The following SGPL1 variants were observed in gnomAD, a reference collection of about 807,000 sequenced individuals.
SGPL1 encodes the protein sphingosine-1-phosphate lyase 1.
In SGPL1, 37 loss-of-function variants were observed where a neutral mutation model predicts 68.9. That is an observed-to-expected ratio of 0.54 (90% confidence interval 0.41 to 0.71). The LOEUF (loss-of-function observed/expected upper bound fraction) is 0.71. Among genes scored for constraint, SGPL1 ranks in the 30% least tolerant of loss-of-function variants. The pLI is 0.00. For synonymous variants in SGPL1, 236 were observed against 248.5 expected (o/e 0.95, Z 0.47); for missense variants, 551 against 704.6 (o/e 0.78, Z 2.47).
intron 7 of SGPL1, among the ~76,000 whole-genome samples, chr10:70,866,111 GCA>G (rs1220982428): frequency 6.6e-6 from 1 of 152,166 alleles, no homozygotes; most frequent in Non-Finnish European, 1.5e-5. Context: ...TTAGGCCCAG[GCA>G]CAGTGACTCA....
intron 6 of SGPL1, among the ~76,000 whole-genome samples, chr10:70,858,514 T>C (rs912055958): frequency 6.6e-6 from 1 of 152,214 alleles, no homozygotes; most frequent in Non-Finnish European, 1.5e-5. Flanking sequence ...TCTTTGTGTT[T>C]GATTATTATA....
At chr10:70,834,267 T>C (rs1288638161) in intron 2 of SGPL1, among the ~76,000 whole-genome samples, 1 of 152,172 alleles carries the variant, frequency 6.6e-6, no homozygotes, top group East Asian at 1.9e-4. Context: ...AAGAAGATGA[T>C]TCGTTCCAGG....
In SGPL1 at chr10:70,879,379, ATGTGTGTGTGTGTG is replaced by A. The variant is rs34643236; in HGVS notation, c.*2056_*2069del. 2 of 150,254 alleles carry A rather than the reference ATGTGTGTGTGTGTG, an allele frequency of 1.3e-5. No individual in the cohort carries two copies. Among genetic ancestry groups the A allele is most frequent in the Non-Finnish European group, 3.0e-5 (2 of 67,490 alleles). 9.3% of individuals were successfully genotyped at this position (150,254 alleles called of 1,614,324 possible). On this transcript the variant is annotated 3_prime_UTR_variant, in exon 15 of 15. Transcript: ENST00000373202. ...GCCATTCAGGGCTGGTGTGGCATTT[ATGTGTGTGTGTGTG>A]TGTGTGTGTGTTTTTCCTGTTTGCC...
chr10:70,830,760 A>G (rs1344644498), intron 2 of SGPL1, among the ~76,000 whole-genome samples: 2 of 152,226 alleles, frequency 1.3e-5, no homozygotes, highest in Non-Finnish European at 2.9e-5. Flanking sequence ...TATGTTCACA[A>G]GCATTTTCTG....
intron 7 of SGPL1, among the ~76,000 whole-genome samples, chr10:70,865,185 C>G (rs979533934): frequency 6.6e-6 from 1 of 151,550 alleles, no homozygotes; most frequent in Non-Finnish European, 1.5e-5. Flanking sequence ...GTTTTGCTTA[C>G]TTCTGCTCTC....
chr10:70,837,180 C>T (rs762027506), intron 2 of SGPL1, among the ~76,000 whole-genome samples: 7 of 151,450 alleles, frequency 4.6e-5, no homozygotes, highest in African/African-American at 9.7e-5. Flanking sequence ...CAGGTTCAAG[C>T]GATTCTCATG....
intron 4 of SGPL1, among the ~76,000 whole-genome samples, chr10:70,852,734 G>A (rs557882732): frequency 3.6e-5 from 5 of 139,906 alleles, no homozygotes; most frequent in African/African-American, 7.4e-5. Flanking sequence ...GTGTGCGCGC[G>A]CACGCGTGTG....
intron 10 of SGPL1, 80 bp downstream of exon 10, chr10:70,871,226 A>G: frequency 2.1e-6 from 2 of 949,130 alleles, no homozygotes; most frequent in East Asian, 2.4e-5. Context: ...CTTGGCAAAT[A>G]GAAGCGATTT....
chr10:70,876,150 C>A (rs1846380663), intron 13 of SGPL1, among the ~76,000 whole-genome samples: 1 of 152,154 alleles, frequency 6.6e-6, no homozygotes, highest in Admixed American at 6.5e-5. Context: ...CTTCTGTGCC[C>A]TGAAGTCCTT....
rs1845619189 is a variant in SGPL1, at chr10:70,835,778, G to GGA, written c.28-8692_28-8691dup. 2.0e-5 allele frequency among the ~76,000 whole-genome samples: 3 copies of GGA among 151,134 alleles called. No individual in the cohort carries two copies. The South Asian group carries it at 6.3e-4, about 32-fold the overall frequency. On this transcript the variant is annotated intron_variant, in intron 2 of 14. Transcript: ENST00000373202. ...AGAAATGCCAAGAAGACATTGTACA[G>GGA]GAGAATGAAGGGAAACTTTCTGTAG...
Position 70,862,820 on chromosome 10 carries a change from T to C in SGPL1, c.615+3321T>C, listed in dbSNP as rs1846100823. Among the ~76,000 whole-genome samples, 6 of 152,162 alleles carry C rather than the reference T, an allele frequency of 3.9e-5. No homozygotes were observed. In the South Asian group the frequency reaches 1.2e-3, roughly 32 times the overall value. ...CAGAAGGAACAAACTCCAGACGTGC[T>C]ACCTTAAGAGCTGTAACACTCACCG... On this transcript the variant is annotated intron_variant, in intron 7 of 14. Transcript: ENST00000373202.
chr10:70,816,669 G>A, intron 1 of SGPL1, 142 bp from the exon 2 acceptor site: 1 of 709,878 alleles, frequency 1.4e-6, no homozygotes, highest in Non-Finnish European at 2.6e-6. Context: ...GGGGTGCTAG[G>A]GGTGGACTGT....
intron 4 of SGPL1, 44 bp downstream of exon 4, chr10:70,851,254 C>A: frequency 7.0e-7 from 1 of 1,438,352 alleles, no homozygotes; most frequent in Non-Finnish European, 9.8e-7. Context: ...TCTTGATAAT[C>A]ATACCTCTTT....
intron 14 of SGPL1, among the ~76,000 whole-genome samples, 166 bp from the exon 15 acceptor site, chr10:70,877,029 A>G (rs746216156): frequency 6.6e-6 from 1 of 152,238 alleles, no homozygotes; most frequent in Non-Finnish European, 1.5e-5. Flanking sequence ...AAAATTGACT[A>G]TGCCAGCTGT....
At chr10:70,856,674 TTGTC>T (rs998909168) in intron 5 of SGPL1, among the ~76,000 whole-genome samples, 4 of 152,186 alleles carry the variant, frequency 2.6e-5, no homozygotes, top group Admixed American at 2.6e-4. Flanking sequence ...AAGAATGAGT[TTGTC>T]TGTATATTTA....
intron 2 of SGPL1, among the ~76,000 whole-genome samples, chr10:70,831,663 A>T (rs1450680752): frequency 6.6e-6 from 1 of 152,210 alleles, no homozygotes; most frequent in Non-Finnish European, 1.5e-5. Flanking sequence ...AGGAACCTCC[A>T]TGTGTTCAGC....
At chr10:70,843,758 A>G (rs1183670464) in intron 2 of SGPL1, among the ~76,000 whole-genome samples, 1 of 152,236 alleles carries the variant, frequency 6.6e-6, no homozygotes. Flanking sequence ...TAGAGCAGGC[A>G]TTGGTAAATT....
At chr10:70,836,049 C>A (rs1414731212) in intron 2 of SGPL1, among the ~76,000 whole-genome samples, 1 of 152,180 alleles carries the variant, frequency 6.6e-6, no homozygotes, top group Non-Finnish European at 1.5e-5. Context: ...AACCTTCACT[C>A]ACTTAGCACT....
chr10:70,824,067 G>GAT (rs929638205), intron 2 of SGPL1, among the ~76,000 whole-genome samples: 6 of 152,102 alleles, frequency 3.9e-5, no homozygotes, highest in African/African-American at 1.4e-4. Flanking sequence ...AGAGTGCCTG[G>GAT]ATATATATCC....
Sources: gnomAD v4.1 joint callset for allele counts (sites outside exome capture counted in the v4.1 genomes callset) on GRCh38, gnomAD v4.1.1 for gene constraint, MANE v1.5 for transcripts, NCBI Gene and HGNC (gene_info 2026-07-23, HGNC 2026-07-21) for gene names.